FGGY: variants seen among roughly 807,000 people sequenced by gnomAD.
FGGY encodes FGGY carbohydrate kinase domain containing.
FGGY carries 72 observed loss-of-function variants against 71.3 expected under a neutral mutation model. The ratio of observed to expected loss-of-function variants is 1.01; its 90% CI spans 0.84 to 1.23. The LOEUF is 1.23. Ranked by LOEUF, FGGY falls within the 50% of genes most tolerant of loss-of-function variation. The pLI, the probability that FGGY is intolerant of heterozygous loss-of-function variation, is 0.00. For synonymous variants in FGGY, 251 were observed against 250.3 expected (o/e 1.00, Z -0.02); for missense variants, 668 against 682.3 (o/e 0.98, Z 0.23).
intron 7 of FGGY, among the ~76,000 whole-genome samples, chr1:59,551,616 G>T (rs1419624949): frequency 6.6e-6 from 1 of 152,080 alleles, no homozygotes; most frequent in Non-Finnish European, 1.5e-5. Context: ...TTATCTTAGA[G>T]AAAAACCTGT....
intron 11 of FGGY, among the ~76,000 whole-genome samples, chr1:59,659,314 T>C (rs1187467099): frequency 6.6e-6 from 1 of 152,264 alleles, no homozygotes; most frequent in Admixed American, 6.5e-5. Context: ...AGTAATTAAA[T>C]GGGGCCAGAG....
intron 2 of FGGY, among the ~76,000 whole-genome samples, chr1:59,335,622 A>G (rs1384788872): frequency 6.6e-6 from 1 of 152,202 alleles, no homozygotes; most frequent in East Asian, 1.9e-4. Flanking sequence ...GCTGTATTTT[A>G]CATTTCCATC....
intron 6 of FGGY, among the ~76,000 whole-genome samples, chr1:59,473,223 G>A (rs2093070116): frequency 6.6e-6 from 1 of 152,038 alleles, no homozygotes; most frequent in Non-Finnish European, 1.5e-5. Flanking sequence ...CACTCCTGAA[G>A]CCAGCGAGAC....
At position 59,369,465 on chromosome 1, in the gene FGGY, G is replaced by GGCA; in HGVS notation, c.466-9284_466-9283insGCA. 2.0e-5 allele frequency among the ~76,000 whole-genome samples: 3 copies of GGCA among 152,294 alleles called. No individual in the cohort carries two copies. In the East Asian group the frequency reaches 5.8e-4, roughly 29 times the overall value. ...CAAGGAGGCCTGCCTGCCTCTGTAGGCTCCACCTCTGGGGGCAGGGCACAG... is the reference window on the plus strand; with the variant it reads ...CAAGGAGGCCTGCCTGCCTCTGTAGGGCACTCCACCTCTGGGGGCAGGGCACAG... On this transcript the variant is annotated intron_variant, in intron 4 of 15. Coordinates refer to ENST00000303721, the MANE Select transcript of FGGY (RefSeq NM_018291.5).
At chr1:59,367,914 T>TA (rs936069230) in intron 4 of FGGY, among the ~76,000 whole-genome samples, 13 of 152,128 alleles carry the variant, frequency 8.5e-5, no homozygotes, top group African/African-American at 2.9e-4. Flanking sequence ...TTCTTTTTTT[T>TA]AAAAAAAGCT....
chr1:59,344,191 A>T (rs1179887177), intron 3 of FGGY, among the ~76,000 whole-genome samples: 1 of 152,054 alleles, frequency 6.6e-6, no homozygotes, highest in Non-Finnish European at 1.5e-5. Context: ...TATTAGTATA[A>T]TGGTTTGTGG....
rs143791102 is a variant in FGGY at position 59,321,804 on chromosome 1, C to T, written c.201+54C>T. 1.8e-4 allele frequency: 279 copies of T among 1,535,964 alleles called. 2 individuals are homozygous for T. Among genetic ancestry groups the T allele is most frequent in the African/African-American group, 5.4e-5 (4 of 73,416 alleles). On this transcript the variant is annotated intron_variant, in intron 2 of 15. Transcript: ENST00000303721. The stretch of plus-strand genomic sequence containing the variant: ...GTTCATATTCCTACCTGCTGAGTGT[C>T]GTGTGTCAATCTGGTGCCGTAAACA...
chr1:59,538,162 C>T (rs1184498096), intron 7 of FGGY, among the ~76,000 whole-genome samples: 1 of 151,844 alleles, frequency 6.6e-6, no homozygotes, highest in Non-Finnish European at 1.5e-5. Flanking sequence ...AAAAAAACAA[C>T]CCCATGAAAA....
chr1:59,478,186 A>T (rs1410774680), intron 6 of FGGY, among the ~76,000 whole-genome samples: 4 of 152,218 alleles, frequency 2.6e-5, no homozygotes, highest in African/African-American at 9.7e-5. Context: ...GAACAATCTT[A>T]TCTTATCCGG....
intron 7 of FGGY, among the ~76,000 whole-genome samples, chr1:59,547,084 C>T (rs1571086299): frequency 6.6e-6 from 1 of 151,764 alleles, no homozygotes; most frequent in South Asian, 2.1e-4. Flanking sequence ...CCCTGAGCAG[C>T]TTGGACTACA....
At chr1:59,502,180 C>A (rs1220180025) in intron 6 of FGGY, among the ~76,000 whole-genome samples, 1 of 152,212 alleles carries the variant, frequency 6.6e-6, no homozygotes, top group Non-Finnish European at 1.5e-5. Flanking sequence ...AGCCTGTCCA[C>A]CCCCTAACCT....
intron 5 of FGGY, among the ~76,000 whole-genome samples, chr1:59,439,181 T>G (rs1481972999): frequency 6.6e-6 from 1 of 152,204 alleles, no homozygotes; most frequent in Non-Finnish European, 1.5e-5. Flanking sequence ...TGAATGGGAC[T>G]GTGTCTTGTC....
intron 14 of FGGY, among the ~76,000 whole-genome samples, chr1:59,752,633 C>T (rs1399087143): frequency 6.6e-6 from 1 of 152,214 alleles, no homozygotes; most frequent in Non-Finnish European, 1.5e-5. Context: ...AACCTCATTT[C>T]CCTGGTAACT....
At chr1:59,345,753 A>G (rs889431742) in intron 3 of FGGY, among the ~76,000 whole-genome samples, 9 of 152,142 alleles carry the variant, frequency 5.9e-5, no homozygotes, top group Admixed American at 6.6e-5. Context: ...AATTTTAATT[A>G]AAGTGACCAG....
At chr1:59,705,204 C>G (rs2097747538) in intron 14 of FGGY, among the ~76,000 whole-genome samples, 2 of 152,036 alleles carry the variant, frequency 1.3e-5, no homozygotes, top group Non-Finnish European at 2.9e-5. Context: ...ATAGTATGTC[C>G]CTTCTTATCT....
At chr1:59,586,496 G>T (rs556425534) in intron 8 of FGGY, among the ~76,000 whole-genome samples, 1 of 152,188 alleles carries the variant, frequency 6.6e-6, no homozygotes, top group African/African-American at 2.4e-5. Context: ...ATCACACACC[G>T]GGGCCTGTGG....
chr1:59,541,886 C>T (rs74619560), intron 7 of FGGY, among the ~76,000 whole-genome samples: 4,783 of 152,222 alleles, frequency 0.031, 254 homozygotes, highest in African/African-American at 0.11. Context: ...AGTTACTGAA[C>T]GTGCTGAGTC....
At chr1:59,493,429 A>G (rs1484430554) in intron 6 of FGGY, among the ~76,000 whole-genome samples, 1 of 152,182 alleles carries the variant, frequency 6.6e-6, no homozygotes, top group African/African-American at 2.4e-5. Flanking sequence ...TGTGATATAT[A>G]CACATAACAG....
intron 4 of FGGY, among the ~76,000 whole-genome samples, chr1:59,371,219 A>T (rs149080975): frequency 0.031 from 4,771 of 152,232 alleles, 97 homozygotes; most frequent in East Asian, 0.058. Context: ...AAGATCTACC[A>T]AGCAAATGGA....
Sources: allele counts gnomAD v4.1 joint callset (sites outside exome capture counted in the v4.1 genomes callset), GRCh38; gene constraint gnomAD v4.1.1; transcripts MANE v1.5; gene names NCBI Gene and HGNC (gene_info 2026-07-23, HGNC 2026-07-21).